FRMD4A: variants seen among roughly 807,000 people sequenced by gnomAD.
FRMD4A encodes the protein FERM domain-containing protein 4A.
In FRMD4A, 29 loss-of-function variants were observed where a neutral mutation model predicts 129.1. That is an observed-to-expected ratio of 0.22 (90% CI 0.17 to 0.31). FRMD4A has a LOEUF of 0.31. Ranked by LOEUF, FRMD4A falls within the 10% of genes least tolerant of loss-of-function variation. The pLI, the probability that FRMD4A is intolerant of heterozygous loss-of-function variation, is 1.00. For synonymous variants in FRMD4A, 634 were observed against 571.6 expected, an observed-to-expected ratio of 1.11 and a Z score of -1.56; for missense variants, 1,272 against 1,375.8, an observed-to-expected ratio of 0.92 and a Z score of 1.19.
chr10:13,828,273 C>T (rs78667459), intron 3 of FRMD4A, among the ~76,000 whole-genome samples: 1 of 152,152 alleles, frequency 6.6e-6, no homozygotes, highest in African/African-American at 2.4e-5. Context: ...ACCCAAATAG[C>T]ATCCGTTGTA....
At chr10:13,874,546 A>G (rs1266058765) in intron 2 of FRMD4A, among the ~76,000 whole-genome samples, 2 of 152,326 alleles carry the variant, frequency 1.3e-5, no homozygotes, top group Non-Finnish European at 2.9e-5. Context: ...AAAAGTAAAA[A>G]GTTAATGTAA....
chr10:14,094,790 C>T (rs552963255), intron 2 of FRMD4A, among the ~76,000 whole-genome samples: 7 of 152,182 alleles, frequency 4.6e-5, no homozygotes, highest in Non-Finnish European at 7.3e-5. Context: ...CTGCAGCCCC[C>T]CAGAAAGATG....
rs56192445 is a variant in FRMD4A, at chr10:13,959,471, T to TAAAAAAAAA, written c.46-100568_46-100560dup. 1.2e-3 allele frequency among the ~76,000 whole-genome samples: 66 copies of TAAAAAAAAA among 53,124 alleles called. 1 individual carries two copies. Among genetic ancestry groups the TAAAAAAAAA allele is most frequent in the African/African-American group, 4.7e-3 (61 of 13,038 alleles). The allele number at this position is 53,124 out of a possible 152,430, so 34.9% of individuals were successfully genotyped here. A position where few individuals can be genotyped will look rare whatever the true frequency, so the allele number is the denominator to read the frequency against. On this transcript the variant is annotated intron_variant, in intron 2 of 24. Coordinates refer to ENST00000357447, the MANE Select transcript of FRMD4A (RefSeq NM_018027.5). ...CGGGTGACAGAGCAAGACTGTTTCATAAAAAAAAAAAAAAAAAAAAAAAAA... is the reference window on the plus strand; with the variant it reads ...CGGGTGACAGAGCAAGACTGTTTCATAAAAAAAAAAAAAAAAAAAAAAAAAAAAAAAAAA...
At chr10:14,020,259 G>GATGA in intron 2 of FRMD4A, among the ~76,000 whole-genome samples, 1 of 152,312 alleles carries the variant, frequency 6.6e-6, no homozygotes. Flanking sequence ...GCCCCAGAGT[G>GATGA]ATGACAACTA....
intron 2 of FRMD4A, among the ~76,000 whole-genome samples, chr10:14,102,739 G>A (rs187150447): frequency 6.7e-6 from 1 of 148,514 alleles, no homozygotes; most frequent in Admixed American, 6.8e-5. Context: ...TTGGCTTCTA[G>A]TACAACTTTC....
chr10:13,746,621 T>C (rs2091304892), intron 9 of FRMD4A, among the ~76,000 whole-genome samples: 1 of 152,182 alleles, frequency 6.6e-6, no homozygotes, highest in Admixed American at 6.5e-5. Context: ...ATCCATACAG[T>C]TCAGAAGTTG....
chr10:13,829,051 G>A (rs1047511975), intron 3 of FRMD4A, among the ~76,000 whole-genome samples: 10 of 152,126 alleles, frequency 6.6e-5, no homozygotes, highest in Non-Finnish European at 1.5e-4. Flanking sequence ...TTCCATAGAC[G>A]TTGCATGAAT....
intron 3 of FRMD4A, among the ~76,000 whole-genome samples, chr10:13,833,705 C>G (rs1276013403): frequency 6.6e-6 from 1 of 152,022 alleles, no homozygotes; most frequent in Non-Finnish European, 1.5e-5. Context: ...AGAACAATGC[C>G]TAGCATCTCG....
chr10:14,047,140 T>C (rs1409406986), intron 2 of FRMD4A, among the ~76,000 whole-genome samples: 2 of 152,200 alleles, frequency 1.3e-5, no homozygotes, highest in African/African-American at 4.8e-5. Flanking sequence ...TGAAATAGAT[T>C]CATTGAGTAA....
intron 17 of FRMD4A, chr10:13,667,665 A>G (rs1487709789): frequency 6.6e-6 from 1 of 152,212 alleles, no homozygotes; most frequent in Admixed American, 6.5e-5. Flanking sequence ...ATCCCCCGCA[A>G]AGCGTCAGAT....
chr10:13,836,069 C>T (rs971426783), intron 3 of FRMD4A, among the ~76,000 whole-genome samples: 1 of 152,210 alleles, frequency 6.6e-6, no homozygotes, highest in Admixed American at 6.5e-5. Context: ...ACGATCTCAG[C>T]TCACTGCAGC....
chr10:14,053,118 G>A (rs529935011), intron 2 of FRMD4A, among the ~76,000 whole-genome samples: 1 of 152,282 alleles, frequency 6.6e-6, no homozygotes, highest in East Asian at 1.9e-4. Flanking sequence ...GTTTTGAAGG[G>A]TTTCTACGGA....
chr10:14,312,222 G>A (rs1235117449), intron 2 of FRMD4A, among the ~76,000 whole-genome samples: 1 of 152,156 alleles, frequency 6.6e-6, no homozygotes, highest in Non-Finnish European at 1.5e-5. Context: ...ATGTGTAATT[G>A]ATATTCACTG....
chr10:14,322,191 G>C (rs1000569053), intron 2 of FRMD4A, among the ~76,000 whole-genome samples: 8 of 152,092 alleles, frequency 5.3e-5, no homozygotes, highest in African/African-American at 1.9e-4. Context: ...ACTAAGGCAG[G>C]GGACGTGAGT....
intron 2 of FRMD4A, among the ~76,000 whole-genome samples, chr10:14,121,242 C>T (rs1838495637): frequency 6.6e-6 from 1 of 152,144 alleles, no homozygotes; most frequent in Non-Finnish European, 1.5e-5. Context: ...GTGGCGTGCA[C>T]CTGTAGTCCC....
intron 15 of FRMD4A, 118 bp from the exon 16 acceptor site, chr10:13,675,162 G>T (rs2083868721): frequency 1.1e-6 from 1 of 909,840 alleles, no homozygotes; most frequent in Non-Finnish European, 1.7e-6. Context: ...AATCAAGGGA[G>T]TGTGAAATAA....
At chr10:14,085,129 A>G (rs1374510663) in intron 2 of FRMD4A, among the ~76,000 whole-genome samples, 2 of 144,286 alleles carry the variant, frequency 1.4e-5, no homozygotes, top group Non-Finnish European at 3.1e-5. Flanking sequence ...TTATAAATCA[A>G]GAAGTGTTCA....
intron 2 of FRMD4A, among the ~76,000 whole-genome samples, chr10:14,219,777 C>A (rs1282948020): frequency 6.6e-6 from 1 of 152,130 alleles, no homozygotes; most frequent in Non-Finnish European, 1.5e-5. Context: ...AGTCCAGACT[C>A]ATTTAGGGAA....
At chr10:13,858,982 G>A (rs1363263384) in intron 2 of FRMD4A, 70 bp from the exon 3 acceptor site, 11 of 899,276 alleles carry the variant, frequency 1.2e-5, no homozygotes, top group African/African-American at 3.3e-5. Flanking sequence ...GGTCGCCGAC[G>A]CTGCACTCTG....
Sources: allele counts gnomAD v4.1 joint callset (sites outside exome capture counted in the v4.1 genomes callset), GRCh38; gene constraint gnomAD v4.1.1; transcripts MANE v1.5; gene names NCBI Gene and HGNC (gene_info 2026-07-23, HGNC 2026-07-21).